The following CACNA1C variants were observed in gnomAD, a reference collection of about 807,000 sequenced individuals.
CACNA1C encodes the protein voltage-dependent L-type calcium channel subunit alpha-1C.
CACNA1C carries 30 observed loss-of-function variants against 229.0 expected under a neutral mutation model. The ratio of observed to expected loss-of-function variants is 0.13; its 90% confidence interval spans 0.10 to 0.18. CACNA1C has a LOEUF of 0.18. Ranked by LOEUF, CACNA1C falls within the 10% of genes least tolerant of loss-of-function variation. The pLI, the probability that CACNA1C is intolerant of heterozygous loss-of-function variation, is 1.00. For synonymous variants in CACNA1C, 1,114 were observed against 1,132.5 expected, an observed-to-expected ratio of 0.98 and a Z score of 0.33; for missense variants, 1,658 against 2,845.0, an observed-to-expected ratio of 0.58 and a Z score of 9.49.
In CACNA1C at chr12:2,084,720, G is replaced by A. The variant is rs149363405; in HGVS notation, c.50-30504G>A. Among the ~76,000 whole-genome samples, 930 of 152,258 alleles carry A rather than the reference G, an allele frequency of 6.1e-3. 7 individuals are homozygous for A. Among genetic ancestry groups the A allele is most frequent in the African/African-American group, 0.021 (873 of 41,542 alleles). The stretch of plus-strand genomic sequence containing the variant: ...AGATTAAGGAAGAAGTAAAGATTGC[G>A]TTTGCCTTTTTGGCAGCTGTGCTCT... On this transcript the variant is annotated intron_variant, in intron 1 of 46. Coordinates refer to ENST00000399655, the MANE Select transcript of CACNA1C (RefSeq NM_000719.7).
intron 3 of CACNA1C, among the ~76,000 whole-genome samples, chr12:2,421,463 G>A (rs369880931): frequency 6.6e-6 from 1 of 152,224 alleles, no homozygotes; most frequent in South Asian, 2.1e-4. Context: ...GGGAAAGAGA[G>A]TTATCTGAGA....
chr12:2,569,426 C>T (rs2053148625), intron 13 of CACNA1C, among the ~76,000 whole-genome samples: 1 of 152,066 alleles, frequency 6.6e-6, no homozygotes, highest in Admixed American at 6.6e-5. Flanking sequence ...TTTTCATCAC[C>T]CCAGAAAGAA....
intron 18 of CACNA1C, among the ~76,000 whole-genome samples, chr12:2,592,303 G>T (rs944414313): frequency 6.6e-6 from 1 of 152,330 alleles, no homozygotes; most frequent in Middle Eastern, 3.4e-3. Flanking sequence ...TATGTGCCAG[G>T]CACCGTTCTG....
chr12:2,654,638 C>G lies in CACNA1C; in HGVS notation c.4141-509C>G, dbSNP rs1290690329. On this transcript the variant is annotated intron_variant, in intron 33 of 46. Coordinates refer to ENST00000399655, the MANE Select transcript of CACNA1C (RefSeq NM_000719.7). The surrounding 1 kb of genome is among the most constrained non-coding windows in gnomAD (Gnocchi z 4.4). Reference sequence around the variant, plus strand: ...AACCTTTTGAGACTAAAAGAGCTACCTTGATACCTGATAAAGGTGGCAGTT... The same window carrying G: ...AACCTTTTGAGACTAAAAGAGCTACGTTGATACCTGATAAAGGTGGCAGTT... Among the ~76,000 whole-genome samples the G allele has an allele frequency of 6.6e-6, 1 of 152,228 alleles. No homozygotes were observed. Among genetic ancestry groups the G allele is most frequent in the Non-Finnish European group, 1.5e-5 (1 of 68,036 alleles).
intron 4 of CACNA1C, among the ~76,000 whole-genome samples, chr12:2,450,453 C>G (rs947830686): frequency 6.9e-6 from 1 of 144,540 alleles, no homozygotes; most frequent in South Asian, 2.2e-4. Flanking sequence ...ACTCGGGAGG[C>G]TGAGGCAGGA....
chr12:2,520,110 G>T (rs1020889628), intron 9 of CACNA1C, among the ~76,000 whole-genome samples: 1 of 151,376 alleles, frequency 6.6e-6, no homozygotes, highest in African/African-American at 2.4e-5. Flanking sequence ...ATGGCCGTGT[G>T]CTTCAGAGGA....
At chr12:2,267,758 G>T (rs1270579765) in intron 3 of CACNA1C, among the ~76,000 whole-genome samples, 1 of 152,218 alleles carries the variant, frequency 6.6e-6, no homozygotes, top group Admixed American at 6.5e-5. Flanking sequence ...GAGCAGGGGG[G>T]TTGGAATGTG....
chr12:2,269,146 A>G (rs1231559402), intron 3 of CACNA1C, among the ~76,000 whole-genome samples: 1 of 152,130 alleles, frequency 6.6e-6, no homozygotes, highest in Admixed American at 6.5e-5. Flanking sequence ...CTCCGCGTCT[A>G]CTCAGGGAAG....
intron 46 of CACNA1C, among the ~76,000 whole-genome samples, chr12:2,690,446 C>T (rs944813915): frequency 1.2e-4 from 19 of 152,206 alleles, no homozygotes; most frequent in African/African-American, 2.4e-4. Flanking sequence ...CCTCCCACCT[C>T]AGTCTCTGGC....
At chr12:2,000,914 G>A (rs1018210047) in intron 1 of CACNA1C, among the ~76,000 whole-genome samples, 25 of 152,250 alleles carry the variant, frequency 1.6e-4, no homozygotes, top group African/African-American at 5.5e-4. Context: ...GCAGGCGCCT[G>A]TAATCCTGGA....
intron 1 of CACNA1C, chr12:2,019,982 A>G (rs2046156036): frequency 6.6e-6 from 1 of 152,216 alleles, no homozygotes; most frequent in Non-Finnish European, 1.5e-5. Context: ...ACAAATGTTT[A>G]AAGGTATACA....
chr12:2,454,442 C>T (rs918532959), intron 4 of CACNA1C, among the ~76,000 whole-genome samples: 2 of 152,194 alleles, frequency 1.3e-5, no homozygotes, highest in East Asian at 1.9e-4. Flanking sequence ...CGTCCCACCG[C>T]ACTCTTCATC....
intron 3 of CACNA1C, among the ~76,000 whole-genome samples, chr12:2,297,052 G>T (rs2094110637): frequency 1.3e-5 from 2 of 152,208 alleles, no homozygotes; most frequent in Non-Finnish European, 2.9e-5. Flanking sequence ...CTCTTAGTTT[G>T]TGGGAGAAAA....
intron 3 of CACNA1C, among the ~76,000 whole-genome samples, chr12:2,173,274 C>A (rs1034622711): frequency 2.0e-5 from 3 of 152,088 alleles, no homozygotes; most frequent in Admixed American, 1.3e-4. Context: ...ACTGCAGAGA[C>A]CATTACTTAG....
chr12:2,440,723 C>T (rs2099215378), intron 3 of CACNA1C, among the ~76,000 whole-genome samples: 1 of 152,230 alleles, frequency 6.6e-6, no homozygotes, highest in Non-Finnish European at 1.5e-5. Context: ...CATGGAGAAA[C>T]TCTCATGCCC....
intron 3 of CACNA1C, among the ~76,000 whole-genome samples, chr12:2,266,075 G>C (rs753536284): frequency 6.6e-6 from 1 of 152,212 alleles, no homozygotes; most frequent in Non-Finnish European, 1.5e-5. Context: ...CTATCAAAGA[G>C]CTCAGAAACT....
At chr12:2,119,854 C>T (rs1393590099) in intron 2 of CACNA1C, among the ~76,000 whole-genome samples, 7 of 152,254 alleles carry the variant, frequency 4.6e-5, no homozygotes, top group African/African-American at 1.7e-4. Flanking sequence ...AATAAAATCT[C>T]CAAATTTCAA....
intron 3 of CACNA1C, among the ~76,000 whole-genome samples, chr12:2,386,407 T>TC (rs768541038): frequency 1.2e-4 from 18 of 152,018 alleles, no homozygotes; most frequent in Admixed American, 3.9e-4. Context: ...ACTCTCCTCT[T>TC]CCCCCCAACT....
chr12:2,450,601 A>G (rs2099360690), intron 4 of CACNA1C, among the ~76,000 whole-genome samples: 3 of 150,804 alleles, frequency 2.0e-5, no homozygotes, highest in Non-Finnish European at 4.4e-5. Flanking sequence ...AGTTCCATCA[A>G]CACATCTGTC....
Sources: allele counts gnomAD v4.1 joint callset (sites outside exome capture counted in the v4.1 genomes callset), GRCh38; gene constraint gnomAD v4.1.1; non-coding constraint Gnocchi (gnomAD v3.1); transcripts MANE v1.5; gene names NCBI Gene and HGNC (gene_info 2026-07-23, HGNC 2026-07-21).